Variants in GLT8D2 observed in about 807,000 individuals in gnomAD.
GLT8D2 encodes the protein glycosyltransferase 8 domain-containing protein 2.
Under a neutral mutation model 44.5 loss-of-function variants are expected in GLT8D2, and 45 were observed. The ratio of observed to expected loss-of-function variants is 1.01; its 90% CI spans 0.80 to 1.30. GLT8D2 has a LOEUF of 1.30. Ranked by LOEUF, GLT8D2 falls within the 50% of genes most tolerant of loss-of-function variation. The pLI, the probability that GLT8D2 is intolerant of heterozygous loss-of-function variation, is 0.00. For missense variants in GLT8D2, 400 were observed against 430.4 expected, an observed-to-expected ratio of 0.93 and a Z score of 0.62; for synonymous variants, 156 against 157.2, an observed-to-expected ratio of 0.99 and a Z score of 0.06.
rs778317617 is a variant in GLT8D2 at position 103,993,411 on chromosome 12, C to T, written c.861G>A (p.Leu287=). The T allele has an allele frequency of 6.2e-7, 1 of 1,613,732 alleles. No individual in the cohort carries two copies. The highest frequency in any genetic ancestry group is 8.5e-7 in the Non-Finnish European group (1 of 1,179,612). Residue 287 remains leucine (L), a synonymous_variant, in exon 10 of 11, where the codon CTG becomes CTA. Coordinates refer to ENST00000360814, the MANE Select transcript of GLT8D2 (RefSeq NM_001384711.1). ...FHGKYSTINP[L]WHIRHLGWNP... ...ACTTACCCAGGTGCCTTATGTGCCACAGGGGGTTAATTGTGGAATATTTCC... is the reference window on the plus strand; with the variant it reads ...ACTTACCCAGGTGCCTTATGTGCCATAGGGGGTTAATTGTGGAATATTTCC...
At chr12:104,019,329 T>C (rs1435159016) in intron 3 of GLT8D2, among the ~76,000 whole-genome samples, 1 of 152,068 alleles carries the variant, frequency 6.6e-6, no homozygotes, top group Non-Finnish European at 1.5e-5. Flanking sequence ...GGTCTCTCCA[T>C]GTTACCCAGG....
chr12:103,994,611 A>G, intron 8 of GLT8D2, 110 bp from the exon 9 acceptor site: 1 of 873,514 alleles, frequency 1.1e-6, no homozygotes, highest in South Asian at 1.9e-5. Flanking sequence ...CTCCTGTGTC[A>G]CTGGCCACTG....
chr12:104,051,125 T>G (rs1393342919), upstream of GLT8D2, among the ~76,000 whole-genome samples: 3 of 151,718 alleles, frequency 2.0e-5, no homozygotes, highest in Non-Finnish European at 4.4e-5. Flanking sequence ...ATTTTACTTT[T>G]TTTTTTTTTT....
chr12:104,036,216 G>T (rs967920984), intron 1 of GLT8D2, among the ~76,000 whole-genome samples: 1 of 152,190 alleles, frequency 6.6e-6, no homozygotes, highest in Admixed American at 6.5e-5. Context: ...ATGCCAAATT[G>T]TAAAGACCAT....
intron 10 of GLT8D2, among the ~76,000 whole-genome samples, chr12:103,990,393 A>G (rs1872611483): frequency 2.6e-5 from 4 of 152,014 alleles, no homozygotes; most frequent in Admixed American, 2.6e-4. Flanking sequence ...CCACCTGAAC[A>G]TTACTCCCCT....
rs1420298618 is a variant in GLT8D2, at chr12:104,021,932, A to AGAG, written c.-163-442_-163-441insCTC. 2.5e-3 allele frequency among the ~76,000 whole-genome samples: 58 copies of AGAG among 23,540 alleles called. 5 individuals carry two copies. The highest frequency in any genetic ancestry group is 0.017 in the East Asian group (8 of 484). The allele number at this position is 23,540 out of a possible 152,430, so 15.4% of individuals were successfully genotyped here. The stretch of plus-strand genomic sequence containing the variant: ...AAGAAGAAGAAGAAGAAGAAGAAGA[A>AGAG]GAAGAAGAAGAAGAAGAAGAAGAGG... On this transcript the variant is annotated intron_variant, in intron 1 of 10. Coordinates refer to ENST00000360814, the MANE Select transcript of GLT8D2 (RefSeq NM_001384711.1).
At chr12:104,019,248 C>G (rs1013135629) in intron 3 of GLT8D2, among the ~76,000 whole-genome samples, 8 of 151,842 alleles carry the variant, frequency 5.3e-5, no homozygotes, top group African/African-American at 9.7e-5. Context: ...CTGCCTCAGC[C>G]TCCCGAGTAG....
At chr12:104,023,181 C>A (rs1279992336) in intron 1 of GLT8D2, among the ~76,000 whole-genome samples, 2 of 152,064 alleles carry the variant, frequency 1.3e-5, no homozygotes, top group Non-Finnish European at 1.5e-5. Flanking sequence ...AGCTAATGCA[C>A]GTGGGGCTTA....
chr12:104,019,493 C>A, intron 3 of GLT8D2, 137 bp downstream of exon 3: 2 of 690,402 alleles, frequency 2.9e-6, no homozygotes, highest in Non-Finnish European at 5.0e-6. Context: ...AATGATGATG[C>A]CAAAAAGTGC....
chr12:103,989,310 G>T lies in GLT8D2; in HGVS notation c.*98C>A. 1.9e-6 allele frequency: 2 copies of T among 1,042,078 alleles called. No homozygotes were observed. Among genetic ancestry groups the T allele is most frequent in the Non-Finnish European group, 2.7e-6 (2 of 728,110 alleles). 64.6% of individuals were successfully genotyped at this position (1,042,078 alleles called of 1,614,324 possible). A position where few individuals can be genotyped will look rare whatever the true frequency, so the allele number is the denominator to read the frequency against. The stretch of plus-strand genomic sequence containing the variant: ...TTGGTTTTTATATTGTGGATCATAT[G>T]TATCAAAGGTAATATTCATAAAGAA... On this transcript the variant is annotated 3_prime_UTR_variant, in exon 11 of 11. Transcript: ENST00000360814.
chr12:104,000,655 A>C (rs1001278477), intron 5 of GLT8D2, among the ~76,000 whole-genome samples: 6 of 152,254 alleles, frequency 3.9e-5, no homozygotes, highest in African/African-American at 1.4e-4. Context: ...GTTAAGGACA[A>C]ACCCTTGCCC....
chr12:104,020,086 A>C (rs769291925), intron 2 of GLT8D2, among the ~76,000 whole-genome samples: 19 of 151,800 alleles, frequency 1.3e-4, no homozygotes, highest in Non-Finnish European at 2.2e-4. Flanking sequence ...CACCCAGCTA[A>C]ATTTTTTTTG....
intron 1 of GLT8D2, among the ~76,000 whole-genome samples, chr12:104,042,980 G>A (rs561821268): frequency 6.6e-6 from 1 of 152,162 alleles, no homozygotes; most frequent in Non-Finnish European, 1.5e-5. Context: ...GGCTAACAAG[G>A]TCCCGGCATG....
chr12:103,998,828 C>A (rs546775400), intron 6 of GLT8D2, among the ~76,000 whole-genome samples: 2 of 152,112 alleles, frequency 1.3e-5, no homozygotes, highest in Non-Finnish European at 2.9e-5. Flanking sequence ...ATTACAAGCA[C>A]GAGCCAGCAC....
chr12:103,994,626 G>T (rs1203716087), intron 8 of GLT8D2, 125 bp from the exon 9 acceptor site: 22 of 774,776 alleles, frequency 2.8e-5, no homozygotes, highest in Non-Finnish European at 4.0e-5. Context: ...CCACTGGGTA[G>T]TTTGTTGTTT....
chr12:104,051,182 G>A (rs1398804236), upstream of GLT8D2, among the ~76,000 whole-genome samples: 1 of 151,444 alleles, frequency 6.6e-6, no homozygotes, highest in Non-Finnish European at 1.5e-5. Flanking sequence ...GTGCAGTGGC[G>A]TGATCACAGC....
At chr12:104,024,414 CAGAG>C (rs1393147482) in intron 1 of GLT8D2, among the ~76,000 whole-genome samples, 1 of 151,790 alleles carries the variant, frequency 6.6e-6, no homozygotes, top group Non-Finnish European at 1.5e-5. Context: ...GCCCCGGTGA[CAGAG>C]AGAGACCTTG....
At chr12:104,044,114 G>A (rs1023284185) in intron 1 of GLT8D2, among the ~76,000 whole-genome samples, 1 of 152,160 alleles carries the variant, frequency 6.6e-6, no homozygotes, top group Non-Finnish European at 1.5e-5. Context: ...AAGGTATCGC[G>A]TGATCACACC....
intron 2 of GLT8D2, among the ~76,000 whole-genome samples, chr12:104,020,338 A>G (rs1877470211): frequency 6.6e-6 from 1 of 152,094 alleles, no homozygotes; most frequent in Admixed American, 6.6e-5. Context: ...TATCAACCCT[A>G]TGCCATCTTT....
Sources: allele counts gnomAD v4.1 joint callset (sites outside exome capture counted in the v4.1 genomes callset), GRCh38; gene constraint gnomAD v4.1.1; transcripts MANE v1.5; gene names NCBI Gene and HGNC (gene_info 2026-07-23, HGNC 2026-07-21).